The following BTAF1 variants were observed in gnomAD, a reference collection of about 807,000 sequenced individuals.
The protein encoded by BTAF1 is TATA-binding protein-associated factor 172.
BTAF1 carries 38 observed loss-of-function variants against 227.1 expected under a neutral mutation model. That is an observed-to-expected ratio of 0.17 (90% CI 0.13 to 0.22). The LOEUF (loss-of-function observed/expected upper bound fraction) is 0.22, where lower values mean the gene tolerates loss of function less well. BTAF1 is among the 10% of genes least tolerant of loss of function. BTAF1 has a pLI of 1.00. For synonymous variants in BTAF1, 742 were observed against 751.9 expected, an observed-to-expected ratio of 0.99 and a Z score of 0.21; for missense variants, 1,598 against 2,204.0, an observed-to-expected ratio of 0.73 and a Z score of 5.51.
intron 28 of BTAF1, among the ~76,000 whole-genome samples, chr10:92,009,857 C>G (rs1025688381): frequency 1.3e-5 from 2 of 152,054 alleles, no homozygotes; most frequent in African/African-American, 4.8e-5. Context: ...TAAATTTTTT[C>G]AAGTGGAAGC....
chr10:91,939,860 A>G, intron 2 of BTAF1, 92 bp from the exon 3 acceptor site: 1 of 728,982 alleles, frequency 1.4e-6, no homozygotes, highest in East Asian at 2.8e-5. Context: ...CAAATTACAC[A>G]TTAATAACAA....
At chr10:91,958,960 T>A in intron 8 of BTAF1, 105 bp from the exon 9 acceptor site, 1 of 970,044 alleles carries the variant, frequency 1.0e-6, no homozygotes, top group South Asian at 1.6e-5. Flanking sequence ...ACTTAGTTTA[T>A]TCTAATTTCT....
intron 2 of BTAF1, among the ~76,000 whole-genome samples, chr10:91,939,439 A>T (rs1011216796): frequency 6.6e-6 from 1 of 152,058 alleles, no homozygotes. Context: ...CTTTTATTAC[A>T]AGTTTCTTTT....
intron 28 of BTAF1, 57 bp downstream of exon 28, chr10:92,009,265 G>C: frequency 6.5e-7 from 1 of 1,539,332 alleles, no homozygotes; most frequent in Non-Finnish European, 8.9e-7. Flanking sequence ...TTAAGATAAG[G>C]AACAGTAACA....
chr10:91,980,418 A>T, intron 14 of BTAF1, 36 bp from the exon 15 acceptor site: 2 of 1,467,000 alleles, frequency 1.4e-6, no homozygotes, highest in Non-Finnish European at 1.9e-6. Flanking sequence ...TCCAAGAATT[A>T]TATGCTACAG....
At chr10:91,971,555 C>T (rs867887170) in intron 14 of BTAF1, among the ~76,000 whole-genome samples, 5 of 151,228 alleles carry the variant, frequency 3.3e-5, no homozygotes, top group Admixed American at 2.0e-4. Context: ...TCCCTGCAAC[C>T]GCTGCCTCCC....
rs1326650296 is a variant in BTAF1 at position 91,949,391 on chromosome 10, T to C, written c.401-2012T>C. Among the ~76,000 whole-genome samples, 2 of 152,244 alleles carry C rather than the reference T, an allele frequency of 1.3e-5. 1 individual carries two copies. Among genetic ancestry groups the C allele is most frequent in the South Asian group, 4.1e-4 (2 of 4,834 alleles). On this transcript the variant is annotated intron_variant, in intron 4 of 37. Transcript: ENST00000265990. ...TCTCAGAGTTGGTATCCATTAATTATCTTTCTTTTAAAAATGGGTTACATT... is the reference window on the plus strand; with the variant it reads ...TCTCAGAGTTGGTATCCATTAATTACCTTTCTTTTAAAAATGGGTTACATT...
chr10:92,000,612 G>A (rs1849455086), intron 25 of BTAF1, among the ~76,000 whole-genome samples: 1 of 152,178 alleles, frequency 6.6e-6, no homozygotes, highest in East Asian at 1.9e-4. Context: ...AGGCTGGAGT[G>A]CAATGGTGTG....
At chr10:91,933,122 C>A (rs974619589) in intron 1 of BTAF1, among the ~76,000 whole-genome samples, 3 of 152,130 alleles carry the variant, frequency 2.0e-5, no homozygotes, top group African/African-American at 7.2e-5. Flanking sequence ...GTAACCCTAG[C>A]TTGAAGGGGT....
chr10:92,023,100 C>T (rs1851253250), intron 34 of BTAF1, among the ~76,000 whole-genome samples: 1 of 152,098 alleles, frequency 6.6e-6, no homozygotes, highest in African/African-American at 2.4e-5. Context: ...AAATTCCAGA[C>T]CCTCAGAAGG....
intron 14 of BTAF1, among the ~76,000 whole-genome samples, chr10:91,968,316 A>C (rs1847069108): frequency 6.6e-6 from 1 of 152,144 alleles, no homozygotes; most frequent in African/African-American, 2.4e-5. Context: ...CTGCCTTTTC[A>C]AATTGGCTTC....
rs374779925 is a variant in BTAF1, at chr10:91,999,639, C to T, written c.3660+1888C>T. Among the ~76,000 whole-genome samples the T allele has an allele frequency of 2.1e-4, 32 of 152,232 alleles. 1 individual carries two copies. The East Asian group carries it at 4.4e-3, about 21-fold the overall frequency. On this transcript the variant is annotated intron_variant, in intron 25 of 37. Coordinates refer to ENST00000265990, the MANE Select transcript of BTAF1 (RefSeq NM_003972.3). ...AACTCCCAACCTCAGGTGATCCTCC[C>T]GCCTTGGCCTCCCAAAGTGCTGGGA...
chr10:91,984,117 C>G, intron 18 of BTAF1, 84 bp from the exon 19 acceptor site: 2 of 1,184,000 alleles, frequency 1.7e-6, no homozygotes, highest in Non-Finnish European at 2.4e-6. Flanking sequence ...GAATTTAGAA[C>G]TTGGTAGTCT....
At chr10:91,985,220 T>C (rs995593696) in intron 19 of BTAF1, among the ~76,000 whole-genome samples, 14 of 152,308 alleles carry the variant, frequency 9.2e-5, no homozygotes, top group Middle Eastern at 3.4e-3. Context: ...TAGAATTTCA[T>C]GTAAATGAAA....
chr10:91,944,083 G>A (rs769040945), intron 4 of BTAF1, among the ~76,000 whole-genome samples: 7 of 152,036 alleles, frequency 4.6e-5, no homozygotes, highest in Non-Finnish European at 1.0e-4. Context: ...CCCGGGAGGC[G>A]GAGGTTGCAG....
intron 10 of BTAF1, 38 bp downstream of exon 10, chr10:91,959,918 T>C (rs781752374): frequency 1.8e-5 from 29 of 1,601,240 alleles, no homozygotes; most frequent in Non-Finnish European, 2.5e-5. Flanking sequence ...CCAATCAAAT[T>C]TCAAATTCTA....
Position 91,923,830 on chromosome 10 carries a change from TC to T in BTAF1, c.-246del. On this transcript the variant is annotated 5_prime_UTR_variant, in exon 1 of 38. Transcript: ENST00000265990. ...GGAGCTGAGGGTACCCGGTTTGAAGTCGTGCGGGTCGGAGGACTGCCGCCTC... is the reference window on the plus strand; with the variant it reads ...GGAGCTGAGGGTACCCGGTTTGAAGTGTGCGGGTCGGAGGACTGCCGCCTC... 1 of 433,512 alleles carries T rather than the reference TC, an allele frequency of 2.3e-6. No homozygotes were observed. Among genetic ancestry groups the T allele is most frequent in the East Asian group, 3.6e-5 (1 of 27,652 alleles). 26.9% of individuals were successfully genotyped at this position (433,512 alleles called of 1,614,324 possible).
chr10:91,957,159 G>C, intron 7 of BTAF1, 66 bp from the exon 8 acceptor site: 1 of 1,316,506 alleles, frequency 7.6e-7, no homozygotes, highest in Admixed American at 1.9e-5. Context: ...AATTTATTAA[G>C]TTACTTAAAT....
At chr10:91,946,330 G>A (rs1845362675) in intron 4 of BTAF1, among the ~76,000 whole-genome samples, 1 of 152,166 alleles carries the variant, frequency 6.6e-6, no homozygotes, top group Non-Finnish European at 1.5e-5. Flanking sequence ...TTGCACTTCA[G>A]CCTGGGCAAC....
Sources: allele counts gnomAD v4.1 joint callset (sites outside exome capture counted in the v4.1 genomes callset), GRCh38; gene constraint gnomAD v4.1.1; transcripts MANE v1.5; gene names NCBI Gene and HGNC (gene_info 2026-07-23, HGNC 2026-07-21).